ATP23: variants seen among roughly 807,000 people sequenced by gnomAD.
ATP23 encodes ATP23 metallopeptidase and ATP synthase assembly factor homolog, also known as mitochondrial inner membrane protease ATP23 homolog.
In ATP23, 24 loss-of-function variants were observed where a neutral mutation model predicts 28.5. The ratio of observed to expected loss-of-function variants is 0.84; its 90% CI spans 0.61 to 1.18. ATP23 has a LOEUF of 1.18. Among genes scored for constraint, ATP23 ranks in the 50% most tolerant of loss-of-function variants. The pLI is 0.00. For missense variants in ATP23, 274 were observed against 306.4 expected (o/e 0.89, Z 0.79); for synonymous variants, 99 against 108.6 (o/e 0.91, Z 0.55).
intron 5 of ATP23, among the ~76,000 whole-genome samples, 177 bp downstream of exon 5, chr12:57,953,866 G>A (rs1353986669): frequency 6.6e-6 from 1 of 152,134 alleles, no homozygotes; most frequent in Non-Finnish European, 1.5e-5. Context: ...TTGTAATTAT[G>A]GGCAAGCTAT....
chr12:57,956,347 T>C (rs2140544004), intron 5 of ATP23, among the ~76,000 whole-genome samples: 2 of 151,716 alleles, frequency 1.3e-5, no homozygotes, highest in South Asian at 4.2e-4. Context: ...ATCAGGACTT[T>C]ATAGACTTTT....
chr12:57,948,803 C>G (rs188540374), intron 3 of ATP23, among the ~76,000 whole-genome samples: 1 of 152,290 alleles, frequency 6.6e-6, no homozygotes, highest in East Asian at 1.9e-4. Context: ...CCATTCCCTG[C>G]TTTTCTGAAT....
At chr12:57,943,008 A>G (rs755632282) in intron 1 of ATP23, among the ~76,000 whole-genome samples, 21 of 152,198 alleles carry the variant, frequency 1.4e-4, no homozygotes, top group Non-Finnish European at 2.5e-4. Flanking sequence ...AGTCAGTCAC[A>G]GTTCAAAAGT....
intron 2 of ATP23, among the ~76,000 whole-genome samples, chr12:57,946,160 C>T (rs918593677): frequency 2.0e-5 from 3 of 152,156 alleles, no homozygotes; most frequent in Non-Finnish European, 4.4e-5. Context: ...GCCACTGCGC[C>T]AGCCCAGCTC....
At chr12:57,951,970 A>G in intron 4 of ATP23, 75 bp downstream of exon 4, 3 of 1,562,990 alleles carry the variant, frequency 1.9e-6, no homozygotes, top group South Asian at 1.2e-5. Flanking sequence ...ATTTAAATGT[A>G]TTCCTTTTCT....
At position 57,942,869 on chromosome 12, in the gene ATP23, G is replaced by A. The variant is rs149098104; in HGVS notation, c.187+981G>A. ...TGACAAATTTCTCTCCCGTCCCAGAGACATTGCACTAGAGAAGATTTCTTA... is the reference window on the plus strand; with the variant it reads ...TGACAAATTTCTCTCCCGTCCCAGAAACATTGCACTAGAGAAGATTTCTTA... On this transcript the variant is annotated intron_variant, in intron 1 of 5. Coordinates refer to ENST00000300145, the MANE Select transcript of ATP23 (RefSeq NM_033276.4). Among the ~76,000 whole-genome samples the A allele has an allele frequency of 4.8e-4, 73 of 152,316 alleles. 4 individuals are homozygous for A. Among genetic ancestry groups the A allele is most frequent in the East Asian group, 2.5e-3 (13 of 5,186 alleles).
At chr12:57,955,243 A>G (rs959792710) in intron 5 of ATP23, among the ~76,000 whole-genome samples, 30 of 146,438 alleles carry the variant, frequency 2.0e-4, no homozygotes, top group African/African-American at 8.2e-4. Flanking sequence ...TTTCCAATTA[A>G]AAAAAAATCA....
chr12:57,955,309 C>CTTTTTTTTTTTTTTT (rs1956856526), intron 5 of ATP23, among the ~76,000 whole-genome samples: 1 of 140,328 alleles, frequency 7.1e-6, no homozygotes, highest in Non-Finnish European at 1.5e-5. Flanking sequence ...CACCTTCTAT[C>CTTTTTTTTTTTTTTT]TTTGTGATAG....
chr12:57,953,439 G>GTC (rs1415284184), intron 4 of ATP23, among the ~76,000 whole-genome samples, 167 bp from the exon 5 acceptor site: 6 of 152,166 alleles, frequency 3.9e-5, no homozygotes, highest in Non-Finnish European at 4.4e-5. Flanking sequence ...TGCTCTCGTT[G>GTC]TCAATAGAGT....
intron 5 of ATP23, among the ~76,000 whole-genome samples, chr12:57,955,451 GA>G (rs1375164824): frequency 6.6e-6 from 1 of 152,074 alleles, no homozygotes; most frequent in Non-Finnish European, 1.5e-5. Context: ...GGCTGAGGGA[GA>G]AGAGTCTTAG....
At chr12:57,953,387 C>T (rs1023823167) in intron 4 of ATP23, among the ~76,000 whole-genome samples, 4 of 152,176 alleles carry the variant, frequency 2.6e-5, no homozygotes, top group African/African-American at 9.7e-5. Context: ...TTCCCCATCT[C>T]TCCAGTGTAT....
intron 4 of ATP23, among the ~76,000 whole-genome samples, chr12:57,953,239 C>T (rs1354278211): frequency 1.3e-5 from 2 of 152,164 alleles, no homozygotes; most frequent in Non-Finnish European, 2.9e-5. Flanking sequence ...GCAATTTCTA[C>T]AAGTATTTGT....
In ATP23 at chr12:57,941,806, G is replaced by C; in HGVS notation, c.105G>C (p.Gly35=). ...CQVFPERLAQ[G]NPQQGFFSSF... ...TCTTCCCCGAGCGTCTGGCCCAGGG[G>C]AATCCCCAGCAAGGGTTCTTCTCCA... The change falls in exon 1 of 6, where the codon GGG becomes GGC. Residue 35 remains glycine (G), a synonymous_variant. Transcript: ENST00000300145. 6.2e-7 allele frequency: 1 copy of C among 1,612,100 alleles called. No homozygotes were observed. The highest frequency in any genetic ancestry group is 8.5e-7 in the Non-Finnish European group (1 of 1,179,274).
At position 57,947,082 on chromosome 12, in the gene ATP23, C is replaced by T. The variant is rs553292861; in HGVS notation, c.315+6C>T. ...TTGATGCTTCAACATCTCAGGTAGG[C>T]ATTATTGCCAAATTGTTTCCTTCCC... is the stretch of plus-strand genomic sequence containing the variant. On this transcript the variant is annotated splice_donor_region_variant and intron_variant, in intron 3 of 5. Transcript: ENST00000300145. 1.2e-6 allele frequency: 2 copies of T among 1,612,918 alleles called. No individual in the cohort carries two copies. Among genetic ancestry groups the T allele is most frequent in the Non-Finnish European group, 1.7e-6 (2 of 1,179,292 alleles).
chr12:57,956,669 A>C lies in ATP23; in HGVS notation c.538-18A>C, dbSNP rs751952126. Reference sequence around the variant, plus strand: ...TGTTTATATAAAATTAGAGCCTCATACTTTTCCTTCTTTTTAGACTTGTGT... The same window carrying C: ...TGTTTATATAAAATTAGAGCCTCATCCTTTTCCTTCTTTTTAGACTTGTGT... On this transcript the variant is annotated intron_variant, in intron 5 of 5. Coordinates refer to ENST00000300145, the MANE Select transcript of ATP23 (RefSeq NM_033276.4). 6.4e-7 allele frequency: 1 copy of C among 1,563,302 alleles called. No individual in the cohort carries two copies. The highest frequency in any genetic ancestry group is 1.4e-5 in the African/African-American group (1 of 72,942).
Position 57,941,867 on chromosome 12 carries a change from C to T in ATP23, c.166C>T (p.Leu56Phe). The change falls in exon 1 of 6, where the codon CTC (leucine) becomes TTC (phenylalanine). Residue 56 changes from leucine to phenylalanine, a missense_variant. Transcript: ENST00000300145. ...FTSNQKCQLRLLKTLETNPYV... is the reference protein window; with the variant it reads ...FTSNQKCQLRFLKTLETNPYV... ...CAGCAACCAGAAGTGCCAGCTTAGG[C>T]TCCTGAAGACGCTGGAGACAAGTAG... is the stretch of plus-strand genomic sequence containing the variant. 3 of 1,613,636 alleles carry T rather than the reference C, an allele frequency of 1.9e-6. No individual in the cohort carries two copies. Among genetic ancestry groups the T allele is most frequent in the South Asian group, 2.2e-5 (2 of 90,930 alleles).
At chr12:57,948,521 G>A (rs1202255867) in intron 3 of ATP23, among the ~76,000 whole-genome samples, 2 of 152,152 alleles carry the variant, frequency 1.3e-5, no homozygotes, top group Non-Finnish European at 2.9e-5. Context: ...GACCTCAGGT[G>A]ATCCACCCAT....
intron 5 of ATP23, among the ~76,000 whole-genome samples, chr12:57,953,927 C>A (rs944481428): frequency 6.6e-6 from 1 of 151,992 alleles, no homozygotes; most frequent in Admixed American, 6.6e-5. Flanking sequence ...AGGCCTGGTG[C>A]GGTGGCTTAT....
intron 1 of ATP23, among the ~76,000 whole-genome samples, chr12:57,943,447 A>C (rs1431729500): frequency 6.6e-6 from 1 of 152,146 alleles, no homozygotes; most frequent in Non-Finnish European, 1.5e-5. Context: ...TGGGGAGCCA[A>C]GGCAGGGGGA....
Sources: gnomAD v4.1 joint callset for allele counts (sites outside exome capture counted in the v4.1 genomes callset) on GRCh38, gnomAD v4.1.1 for gene constraint, MANE v1.5 for transcripts, NCBI Gene and HGNC (gene_info 2026-07-23, HGNC 2026-07-21) for gene names.